EIF1B: variants seen among roughly 807,000 people sequenced by gnomAD.
EIF1B encodes protein translation factor SUI1 homolog GC20.
Under a neutral mutation model 14.8 loss-of-function variants are expected in EIF1B, and 5 were observed. The ratio of observed to expected loss-of-function variants is 0.34; its 90% CI spans 0.18 to 0.71. EIF1B has a LOEUF of 0.71. EIF1B is among the 30% of genes least tolerant of loss of function. The pLI is 0.64. For synonymous variants in EIF1B, 45 were observed against 45.8 expected, an observed-to-expected ratio of 0.98 and a Z score of 0.07; for missense variants, 56 against 134.0, an observed-to-expected ratio of 0.42 and a Z score of 2.87.
chr3:40,309,931 A>G lies in EIF1B; in HGVS notation c.-11A>G, dbSNP rs747368237. The G allele has an allele frequency of 1.2e-6, 2 of 1,613,904 alleles. No individual in the cohort carries two copies. The highest frequency in any genetic ancestry group is 2.2e-5 in the South Asian group (2 of 91,076). ...AATTTTATCCCCTCACCGGCCTCAC[A>G]CTAGTATCGCATGTCCACTATCCAG... is the stretch of plus-strand genomic sequence containing the variant. On this transcript the variant is annotated 5_prime_UTR_variant, in exon 1 of 4. Transcript: ENST00000232905.
At chr3:40,310,869 T>C (rs778410314) in intron 1 of EIF1B, 24 bp from the exon 2 acceptor site, 2 of 1,547,516 alleles carry the variant, frequency 1.3e-6, no homozygotes, top group Non-Finnish European at 1.7e-6. Flanking sequence ...TTTGGATTTT[T>C]TTTTTTTTTT....
At chr3:40,311,158 A>G (rs919147855) in intron 2 of EIF1B, 102 bp downstream of exon 2, 4 of 1,094,288 alleles carry the variant, frequency 3.7e-6, no homozygotes, top group Admixed American at 5.6e-5. Context: ...TAACTAGACC[A>G]AGAAAGTTGT....
intron 2 of EIF1B, 42 bp from the exon 3 acceptor site, chr3:40,311,425 ATAG>A: frequency 7.2e-7 from 1 of 1,381,584 alleles, no homozygotes; most frequent in Non-Finnish European, 1.0e-6. Context: ...ATAAAACCTC[ATAG>A]TAGTTGACTA....
At chr3:40,310,100 C>A (rs976592992) in intron 1 of EIF1B, 128 bp downstream of exon 1, 12 of 1,327,740 alleles carry the variant, frequency 9.0e-6, no homozygotes, top group South Asian at 3.7e-5. Context: ...TTTGTCTCGG[C>A]GCCCAGAAAA....
At chr3:40,310,227 C>T (rs1388723632) in intron 1 of EIF1B, among the ~76,000 whole-genome samples, 1 of 152,250 alleles carries the variant, frequency 6.6e-6, no homozygotes, top group Non-Finnish European at 1.5e-5. Context: ...TGACCCGGCT[C>T]TCGCCTCCGC....
At chr3:40,310,754 C>G in intron 1 of EIF1B, 139 bp from the exon 2 acceptor site, 1 of 873,506 alleles carries the variant, frequency 1.1e-6, no homozygotes, top group Non-Finnish European at 1.7e-6. Flanking sequence ...CATCTCCATT[C>G]CTACCGGCAA....
chr3:40,309,999 T>C (rs1238527830), intron 1 of EIF1B, 27 bp downstream of exon 1: 3 of 1,612,960 alleles, frequency 1.9e-6, no homozygotes, highest in Non-Finnish European at 2.5e-6. Context: ...GCCGCCTCCC[T>C]CCCTTGCCCG....
chr3:40,310,456 TC>T (rs2125569568), intron 1 of EIF1B, among the ~76,000 whole-genome samples: 1 of 150,118 alleles, frequency 6.7e-6, no homozygotes, highest in South Asian at 2.1e-4. Context: ...AAATTACGCC[TC>T]TTGATATATA....
chr3:40,311,563 C>T lies in EIF1B; in HGVS notation c.289C>T (p.Leu97Phe). 1 of 1,612,886 alleles carries T rather than the reference C, an allele frequency of 6.2e-7. No individual in the cohort carries two copies. ...CCAAAGAAAAAACATCTGCCAGTTT[C>T]TCTTGGAGGTGAGTGATTGGGTGCT... is the stretch of plus-strand genomic sequence containing the variant. ...GDQRKNICQF[L>F]LEVGIVKEEQ... The change falls in exon 3 of 4, where the codon CTC becomes TTC. Residue 97 changes from leucine to phenylalanine, a missense_variant. By Grantham distance (22) the Leu-to-Phe change is conservative (BLOSUM62 0). Transcript: ENST00000232905.
chr3:40,309,749 T>A lies in EIF1B; in HGVS notation c.-193T>A. The stretch of plus-strand genomic sequence containing the variant: ...CCTCTTCTCTCGCGCCCTCGCCTCT[T>A]CCTCCGCCTCCTCCTTCGCCTCTTC... On this transcript the variant is annotated 5_prime_UTR_variant, in exon 1 of 4. Coordinates refer to ENST00000232905, the MANE Select transcript of EIF1B (RefSeq NM_005875.3). The A allele has an allele frequency of 1.6e-6, 1 of 620,808 alleles. No individual in the cohort carries two copies. The highest frequency in any genetic ancestry group is 2.8e-5 in the East Asian group (1 of 35,618). The allele number at this position is 620,808 out of a possible 1,614,324, so 38.5% of individuals were successfully genotyped here.
At chr3:40,311,196 ATTTAG>A in intron 2 of EIF1B, 140 bp downstream of exon 2, 1 of 803,824 alleles carries the variant, frequency 1.2e-6, no homozygotes, top group Non-Finnish European at 1.9e-6. Context: ...ACATGTAAAT[ATTTAG>A]TTATTCTCCC....
In EIF1B at chr3:40,311,581, T is replaced by TG; in HGVS notation, c.297+13dup. The TG allele has an allele frequency of 6.2e-7, 1 of 1,603,586 alleles. No individual in the cohort carries two copies. Among genetic ancestry groups the TG allele is most frequent in the South Asian group, 1.1e-5 (1 of 90,626 alleles). ...CCAGTTTCTCTTGGAGGTGAGTGAT[T>TG]GGGTGCTTTATGTGTAACCTTGAGA... On this transcript the variant is annotated intron_variant, in intron 3 of 3. Coordinates refer to ENST00000232905, the MANE Select transcript of EIF1B (RefSeq NM_005875.3).
At position 40,312,081 on chromosome 3, in the gene EIF1B, G is replaced by A; in HGVS notation, c.*67G>A. The stretch of plus-strand genomic sequence containing the variant: ...TCTCTAAACCCGGTTTGGCTGCCTT[G>A]TGAAATGATTCCCTGCAGTAAACGG... On this transcript the variant is annotated 3_prime_UTR_variant, in exon 4 of 4. Transcript: ENST00000232905. The A allele has an allele frequency of 9.1e-7, 1 of 1,101,028 alleles. No individual in the cohort carries two copies. The highest frequency in any genetic ancestry group is 1.4e-6 in the Non-Finnish European group (1 of 721,576). The allele number at this position is 1,101,028 out of a possible 1,614,324, so 68.2% of individuals were successfully genotyped here.
In EIF1B at chr3:40,312,005, T is replaced by C. The variant is rs1298677215; in HGVS notation, c.333T>C (p.His111=). The change falls in exon 4 of 4, where the codon CAT becomes CAC. Residue 111 remains histidine, a synonymous_variant. Transcript: ENST00000232905. ...TAAAGGAGGAACAGCTTAAGGTTCA[T>C]GGATTCTAAAATGAACCTAAATACG... The part of the protein sequence containing the change: ...GIVKEEQLKV[H]GF 1.1e-5 allele frequency: 17 copies of C among 1,610,194 alleles called. No individual in the cohort carries two copies. Among genetic ancestry groups the C allele is most frequent in the Non-Finnish European group, 1.4e-5 (17 of 1,177,160 alleles).
chr3:40,310,048 CT>C, intron 1 of EIF1B, 76 bp downstream of exon 1: 1 of 1,584,770 alleles, frequency 6.3e-7, no homozygotes, highest in Non-Finnish European at 8.6e-7. Flanking sequence ...GCCACCGCCC[CT>C]AGGGGCCCCC....
chr3:40,309,711 A>C lies in EIF1B; in HGVS notation c.-231A>C. On this transcript the variant is annotated 5_prime_UTR_variant, in exon 1 of 4. Transcript: ENST00000232905. ...TCTCCATCGGCCATTTTGTGCGAGA[A>C]GCCGCAGCGCCGCCTCTTCTCTCGC... 1.8e-6 allele frequency: 1 copy of C among 551,558 alleles called. No individual in the cohort carries two copies. The highest frequency in any genetic ancestry group is 3.2e-6 in the Non-Finnish European group (1 of 311,162). 34.2% of individuals were successfully genotyped at this position (551,558 alleles called of 1,614,324 possible).
chr3:40,309,770 T>G lies in EIF1B; in HGVS notation c.-172T>G, dbSNP rs1023412585. On this transcript the variant is annotated 5_prime_UTR_variant, in exon 1 of 4. Coordinates refer to ENST00000232905, the MANE Select transcript of EIF1B (RefSeq NM_005875.3). ...CTCTTCCTCCGCCTCCTCCTTCGCCTCTTCCTGCCTCCTCCCGGCTTCCGC... is the reference window on the plus strand; with the variant it reads ...CTCTTCCTCCGCCTCCTCCTTCGCCGCTTCCTGCCTCCTCCCGGCTTCCGC... 5.7e-6 allele frequency: 4 copies of G among 700,208 alleles called. No individual in the cohort carries two copies. Among genetic ancestry groups the G allele is most frequent in the Admixed American group, 5.2e-5 (2 of 38,616 alleles). The allele number at this position is 700,208 out of a possible 1,614,324, so 43.4% of individuals were successfully genotyped here. A position where few individuals can be genotyped will look rare whatever the true frequency, so the allele number is the denominator to read the frequency against.
chr3:40,309,806 C>A lies in EIF1B; in HGVS notation c.-136C>A, dbSNP rs1954302005. The stretch of plus-strand genomic sequence containing the variant: ...CCTCCCGGCTTCCGCCGCCGCCACT[C>A]CAGCCTAATCCCAACCCCAGGGCGA... On this transcript the variant is annotated 5_prime_UTR_variant, in exon 1 of 4. Transcript: ENST00000232905. 1.9e-6 allele frequency: 2 copies of A among 1,077,566 alleles called. No individual in the cohort carries two copies. Among genetic ancestry groups the A allele is most frequent in the Admixed American group, 3.9e-5 (2 of 51,556 alleles). 66.8% of individuals were successfully genotyped at this position (1,077,566 alleles called of 1,614,324 possible).
rs1954300491 is a variant in EIF1B, at chr3:40,309,743, G to A, written c.-199G>A. 1.7e-6 allele frequency: 1 copy of A among 598,786 alleles called. No individual in the cohort carries two copies. The highest frequency in any genetic ancestry group is 2.9e-6 in the Non-Finnish European group (1 of 342,474). The allele number at this position is 598,786 out of a possible 1,614,324, so 37.1% of individuals were successfully genotyped here. ...GCGCCGCCTCTTCTCTCGCGCCCTC[G>A]CCTCTTCCTCCGCCTCCTCCTTCGC... On this transcript the variant is annotated 5_prime_UTR_variant, in exon 1 of 4. Coordinates refer to ENST00000232905, the MANE Select transcript of EIF1B (RefSeq NM_005875.3).
Sources: gnomAD v4.1 joint callset for allele counts (sites outside exome capture counted in the v4.1 genomes callset) on GRCh38, gnomAD v4.1.1 for gene constraint, MANE v1.5 for transcripts, NCBI Gene and HGNC (gene_info 2026-07-23, HGNC 2026-07-21) for gene names.